PGM2L1: variants seen among roughly 807,000 people sequenced by gnomAD.
PGM2L1 encodes glucose 1,6-bisphosphate synthase.
PGM2L1 carries 35 observed loss-of-function variants against 73.4 expected under a neutral mutation model. The observed-to-expected ratio is 0.48, with a 90% CI of 0.36 to 0.63. The LOEUF (loss-of-function observed/expected upper bound fraction) is 0.63. PGM2L1 is among the 30% of genes least tolerant of loss of function. The probability of loss-of-function intolerance (pLI) is 0.00; values close to 1 mark genes in which losing one functional copy is unlikely to be tolerated. For missense variants in PGM2L1, 570 were observed against 742.0 expected (o/e 0.77, Z 2.69); for synonymous variants, 225 against 253.8 (o/e 0.89, Z 1.08).
chr11:74,341,304 G>C (rs984127090), intron 12 of PGM2L1, among the ~76,000 whole-genome samples: 13 of 152,168 alleles, frequency 8.5e-5, no homozygotes, highest in Non-Finnish European at 1.8e-4. Context: ...TTATAGTATT[G>C]ATGCAGGTGA....
chr11:74,338,503 C>T lies in PGM2L1; in HGVS notation c.1731G>A (p.Lys577=), dbSNP rs767448620. 6.2e-7 allele frequency: 1 copy of T among 1,604,296 alleles called. No homozygotes were observed. The change falls in exon 13 of 14, where the codon AAG becomes AAA. Residue 577 remains lysine, a synonymous_variant. Transcript: ENST00000298198. ...LRTSGTEPKI[K]YYAEMCASPD... is the part of the protein sequence containing the mutation. Reference sequence around the variant, plus strand: ...GTGACGCACACATCTCTGCATAATACTTTATCTTTGGTTCTGTTCCACTTG... The same window carrying T: ...GTGACGCACACATCTCTGCATAATATTTTATCTTTGGTTCTGTTCCACTTG...
chr11:74,352,913 A>C (rs1389760964), intron 5 of PGM2L1, among the ~76,000 whole-genome samples: 1 of 152,084 alleles, frequency 6.6e-6, no homozygotes, highest in Non-Finnish European at 1.5e-5. Flanking sequence ...TGGAACTGAG[A>C]CCCCCAAATA....
At chr11:74,389,947 C>CAAAAAAAAAAAAAAAAAAAAAAAA (rs71065078) in intron 1 of PGM2L1, among the ~76,000 whole-genome samples, 2 of 38,572 alleles carry the variant, frequency 5.2e-5, no homozygotes, top group African/African-American at 2.3e-4. Context: ...ACTAAAAATA[C>CAAAAAAAAAAAAAAAAAAAAAAAA]AAAAAAAAAA....
rs773457415 is a variant in PGM2L1 at position 74,342,688 on chromosome 11, A to T, written c.1443-38T>A. Reference sequence around the variant, plus strand: ...TCAAAGTGCTAAAATTAGATTTCAGATAACTCTTTAAAAAAGCATATATTA... The same window carrying T: ...TCAAAGTGCTAAAATTAGATTTCAGTTAACTCTTTAAAAAAGCATATATTA... On this transcript the variant is annotated intron_variant, in intron 11 of 13. Transcript: ENST00000298198. 1.2e-5 allele frequency: 18 copies of T among 1,462,206 alleles called. No individual in the cohort carries two copies. The Admixed American group carries it at 3.0e-4, about 24-fold the overall frequency. The allele number at this position is 1,462,206 out of a possible 1,614,324, so 90.6% of individuals were successfully genotyped here.
rs763445528 is a variant in PGM2L1 at position 74,343,337 on chromosome 11, A to G, written c.1298T>C (p.Phe433Ser). 1.4e-5 allele frequency: 23 copies of G among 1,607,256 alleles called. No homozygotes were observed. Among genetic ancestry groups the G allele is most frequent in the Non-Finnish European group, 1.7e-5 (20 of 1,178,354 alleles). Residue 433 changes from phenylalanine to serine, a missense_variant, in exon 10 of 14, where the codon TTT becomes TCT. Physicochemically the swap from Phe to Ser is radical, Grantham distance 155 (BLOSUM62 -2). Transcript: ENST00000298198. ...TTACTACATACCAATAGACTCTTCA[A>G]ATGCAAAAAGGACTTCTTTCCCATT... ...LENGKEVLFAFEESIGFLCGT... is the reference protein window; with the variant it reads ...LENGKEVLFASEESIGFLCGT...
At chr11:74,345,412 CTT>C (rs1862246428) in intron 9 of PGM2L1, 55 bp downstream of exon 9, 2 of 1,436,966 alleles carry the variant, frequency 1.4e-6, no homozygotes, top group African/African-American at 2.8e-5. Flanking sequence ...GGGGAGATGT[CTT>C]TAACATACAG....
intron 1 of PGM2L1, among the ~76,000 whole-genome samples, chr11:74,396,203 G>A (rs549706528): frequency 2.6e-5 from 4 of 151,438 alleles, no homozygotes; most frequent in Admixed American, 2.6e-4. Context: ...AGGCTGCAGT[G>A]AGTGCAGTGA....
intron 4 of PGM2L1, 73 bp from the exon 5 acceptor site, chr11:74,368,648 G>T: frequency 8.2e-7 from 1 of 1,221,482 alleles, no homozygotes; most frequent in South Asian, 1.3e-5. Flanking sequence ...GAATAATTTT[G>T]ATTAAATAAC....
chr11:74,380,350 T>C (rs1862922322), intron 1 of PGM2L1, among the ~76,000 whole-genome samples: 3 of 116,636 alleles, frequency 2.6e-5, no homozygotes, highest in African/African-American at 7.9e-5. Flanking sequence ...AATATATTCA[T>C]GCTAAACCAA....
intron 5 of PGM2L1, among the ~76,000 whole-genome samples, chr11:74,361,361 C>A (rs894631330): frequency 1.3e-5 from 2 of 152,172 alleles, no homozygotes; most frequent in Non-Finnish European, 2.9e-5. Context: ...GGAAAACTAA[C>A]AAACAGAAAG....
intron 5 of PGM2L1, among the ~76,000 whole-genome samples, chr11:74,362,553 T>C (rs1347502487): frequency 1.3e-5 from 2 of 152,120 alleles, no homozygotes; most frequent in Admixed American, 6.5e-5. Context: ...ATATTAACCT[T>C]AAATGTAAAT....
chr11:74,350,410 CAT>C (rs1214968446), intron 6 of PGM2L1, among the ~76,000 whole-genome samples: 17 of 152,122 alleles, frequency 1.1e-4, no homozygotes, highest in Admixed American at 3.3e-4. Flanking sequence ...ACTGATCTAA[CAT>C]AGAGGAAATA....
At position 74,345,605 on chromosome 11, in the gene PGM2L1, A is replaced by G; in HGVS notation, c.1082T>C (p.Phe361Ser). 6.2e-7 allele frequency: 1 copy of G among 1,613,954 alleles called. No homozygotes were observed. The highest frequency in any genetic ancestry group is 8.5e-7 in the Non-Finnish European group (1 of 1,179,952). Reference sequence around the variant, plus strand: ...CCAGCAATCAAACATCCACCATCCAAACAAAGCTGCCAACTCATTCCCTGT... The same window carrying G: ...CCAGCAATCAAACATCCACCATCCAGACAAAGCTGCCAACTCATTCCCTGT... ...VFTGNELAAL[F>S]GWWMFDCWKK... The change falls in exon 9 of 14, where the codon TTT becomes TCT. Residue 361 changes from phenylalanine to serine, a missense_variant. Coordinates refer to ENST00000298198, the MANE Select transcript of PGM2L1 (RefSeq NM_173582.6).
At chr11:74,364,612 C>T (rs968476633) in intron 5 of PGM2L1, among the ~76,000 whole-genome samples, 1 of 152,132 alleles carries the variant, frequency 6.6e-6, no homozygotes, top group African/African-American at 2.4e-5. Flanking sequence ...CTCCCATTCA[C>T]AATTGCTTCA....
At chr11:74,395,588 G>C (rs1591196302) in intron 1 of PGM2L1, among the ~76,000 whole-genome samples, 1 of 94,216 alleles carries the variant, frequency 1.1e-5, no homozygotes, top group Admixed American at 1.1e-4. Context: ...TGTATTTTTA[G>C]TAGGGACGGG....
intron 5 of PGM2L1, 50 bp from the exon 6 acceptor site, chr11:74,351,626 C>A: frequency 1.4e-6 from 2 of 1,451,378 alleles, no homozygotes; most frequent in Admixed American, 2.1e-5. Flanking sequence ...CTTGCCAGAT[C>A]TTTTCTTGTC....
chr11:74,351,459 T>C lies in PGM2L1; in HGVS notation c.673A>G (p.Ser225Gly). The C allele has an allele frequency of 6.2e-7, 1 of 1,614,154 alleles. No homozygotes were observed. The highest frequency in any genetic ancestry group is 8.5e-7 in the Non-Finnish European group (1 of 1,180,026). The stretch of plus-strand genomic sequence containing the variant: ...TGCAGAGGGTCTCTCTTCAGCGGGC[T>C]GGTATCCACTAAATTATCATTCCAG... ...GSWNDNLVDTSPLKRDPLQDI... is the reference protein window; with the variant it reads ...GSWNDNLVDTGPLKRDPLQDI... The change falls in exon 6 of 14, where the codon AGC (serine) becomes GGC (glycine). Residue 225 changes from serine (S) to glycine (G), a missense_variant. Ser to Gly is a moderately conservative substitution (Grantham distance 56, BLOSUM62 0). Transcript: ENST00000298198.
chr11:74,344,849 T>C (rs972150491), intron 9 of PGM2L1, among the ~76,000 whole-genome samples: 8 of 152,168 alleles, frequency 5.3e-5, no homozygotes, highest in Admixed American at 5.2e-4. Flanking sequence ...ACTCAGTAAA[T>C]TAGTGTTAAG....
intron 8 of PGM2L1, 60 bp downstream of exon 8, chr11:74,346,672 A>G (rs1009894679): frequency 1.5e-6 from 2 of 1,324,112 alleles, no homozygotes; most frequent in African/African-American, 2.9e-5. Context: ...AGCCTGTAAG[A>G]CTTAAAATAC....
Sources: gnomAD v4.1 joint callset for allele counts (sites outside exome capture counted in the v4.1 genomes callset) on GRCh38, gnomAD v4.1.1 for gene constraint, MANE v1.5 for transcripts, NCBI Gene and HGNC (gene_info 2026-07-23, HGNC 2026-07-21) for gene names.